The following CAST variants were observed in gnomAD, a reference collection of about 807,000 sequenced individuals.
CAST encodes the protein MIR583 host.
CAST carries 76 observed loss-of-function variants against 119.6 expected under a neutral mutation model. The observed-to-expected ratio is 0.64, with a 90% CI of 0.53 to 0.77. The LOEUF (loss-of-function observed/expected upper bound fraction) is 0.77, where lower values mean the gene tolerates loss of function less well. Ranked by LOEUF, CAST falls within the 30% of genes least tolerant of loss-of-function variation. The probability of loss-of-function intolerance (pLI) is 0.00; values close to 1 mark genes in which losing one functional copy is unlikely to be tolerated. For missense variants in CAST, 953 were observed against 946.5 expected, an observed-to-expected ratio of 1.01 and a Z score of -0.09; for synonymous variants, 319 against 331.6, an observed-to-expected ratio of 0.96 and a Z score of 0.41.
the CAST span, among the ~76,000 whole-genome samples, chr5:96,371,575 T>C: frequency 6.6e-6 from 1 of 152,218 alleles, no homozygotes; most frequent in Non-Finnish European, 1.5e-5. Flanking sequence ...TTCATTATCT[T>C]CTATTAGGAG....
At chr5:96,669,467 A>G (rs1023899346) in intron 1 of CAST, among the ~76,000 whole-genome samples, 2 of 152,198 alleles carry the variant, frequency 1.3e-5, no homozygotes, top group Non-Finnish European at 2.9e-5. Context: ...CCTACCACAC[A>G]TCTAGGAAAA....
chr5:96,359,514 G>A, the CAST span, among the ~76,000 whole-genome samples: 51 of 151,962 alleles, frequency 3.4e-4, no homozygotes, highest in Admixed American at 7.2e-4. Flanking sequence ...AGGAGCTCTT[G>A]TAAGGCAGGC....
At chr5:96,534,724 A>AAGGAAGGAAGGAAGGAAG (rs1561408779) in intron 1 of CAST, among the ~76,000 whole-genome samples, 15 of 19,486 alleles carry the variant, frequency 7.7e-4, no homozygotes, top group East Asian at 4.5e-3. Context: ...GGAGAGAGAG[A>AAGGAAGGAAGGAAGGAAG]GAGAGAGAGA....
chr5:96,619,356 C>G (rs1290532198), intron 1 of CAST, among the ~76,000 whole-genome samples: 4 of 152,076 alleles, frequency 2.6e-5, no homozygotes, highest in African/African-American at 9.7e-5. Context: ...CAATCAGCAC[C>G]CTGTCAAAAT....
the CAST span, among the ~76,000 whole-genome samples, chr5:96,374,768 C>T: frequency 6.6e-6 from 1 of 151,972 alleles, no homozygotes; most frequent in Admixed American, 6.6e-5. Context: ...AGAAAGAGAC[C>T]CCTGTTAGGA....
At chr5:96,152,008 A>G in the CAST span, among the ~76,000 whole-genome samples, 1 of 152,094 alleles carries the variant, frequency 6.6e-6, no homozygotes, top group Non-Finnish European at 1.5e-5. Flanking sequence ...AGTGCAGGGG[A>G]TTCTGGGTGA....
the CAST span, chr5:96,392,899 T>TA: frequency 8.6e-7 from 1 of 1,164,490 alleles, no homozygotes; most frequent in Non-Finnish European, 1.3e-6. Context: ...AAGGATATTA[T>TA]AAGCATAAGA....
At chr5:96,236,119 A>G in the CAST span, among the ~76,000 whole-genome samples, 3 of 100,284 alleles carry the variant, frequency 3.0e-5, no homozygotes, top group African/African-American at 8.1e-5. Flanking sequence ...CTGTCTATCT[A>G]TCTATCTCTC....
intron 2 of CAST, among the ~76,000 whole-genome samples, chr5:96,683,825 G>A (rs909254099): frequency 2.0e-5 from 3 of 152,204 alleles, no homozygotes; most frequent in African/African-American, 7.2e-5. Context: ...CTGGCATTAT[G>A]TAGACATTAA....
At chr5:96,677,386 G>A (rs1750841580) in intron 2 of CAST, among the ~76,000 whole-genome samples, 1 of 152,172 alleles carries the variant, frequency 6.6e-6, no homozygotes, top group Admixed American at 6.5e-5. Flanking sequence ...GGATGTACAG[G>A]CATTATTGGT....
At chr5:96,128,283 TG>T in the CAST span, among the ~76,000 whole-genome samples, 3 of 152,124 alleles carry the variant, frequency 2.0e-5, no homozygotes, top group African/African-American at 7.2e-5. Flanking sequence ...TAAACTTTTC[TG>T]GTCTGTCTCT....
At chr5:96,133,847 C>T in the CAST span, among the ~76,000 whole-genome samples, 7 of 152,212 alleles carry the variant, frequency 4.6e-5, no homozygotes, top group East Asian at 3.9e-4. Flanking sequence ...ACAAGGGCTA[C>T]GAAAGGTCAA....
intron 2 of CAST, among the ~76,000 whole-genome samples, chr5:96,688,334 C>T (rs886375077): frequency 3.3e-5 from 5 of 152,086 alleles, no homozygotes; most frequent in Non-Finnish European, 7.4e-5. Flanking sequence ...CAAGTGACTG[C>T]GTCATAAATA....
chr5:96,374,125 C>G, the CAST span, among the ~76,000 whole-genome samples: 2 of 152,156 alleles, frequency 1.3e-5, no homozygotes, highest in African/African-American at 4.8e-5. Flanking sequence ...GAATAATTGC[C>G]AGCTACTCAG....
the CAST span, among the ~76,000 whole-genome samples, chr5:96,162,305 A>AT: frequency 1.3e-5 from 2 of 152,270 alleles, no homozygotes; most frequent in Non-Finnish European, 2.9e-5. Flanking sequence ...CTTGTTGAAT[A>AT]TTTTTTGTCA....
intron 1 of CAST, among the ~76,000 whole-genome samples, chr5:96,629,291 C>T (rs993212802): frequency 6.6e-6 from 1 of 152,186 alleles, no homozygotes; most frequent in African/African-American, 2.4e-5. Context: ...TAGTGCCTTG[C>T]TCTTGGGCTT....
At chr5:96,135,388 TG>T in the CAST span, among the ~76,000 whole-genome samples, 1 of 152,248 alleles carries the variant, frequency 6.6e-6, no homozygotes, top group East Asian at 1.9e-4. Context: ...GAATTGCTGA[TG>T]GGTTGGTTAT....
the CAST span, among the ~76,000 whole-genome samples, chr5:96,026,398 G>A: frequency 4.6e-5 from 7 of 152,284 alleles, no homozygotes; most frequent in Admixed American, 4.6e-4. Context: ...GAGACTCTGG[G>A]CCCTCTTCTT....
the CAST span, among the ~76,000 whole-genome samples, chr5:96,231,484 G>T: frequency 6.6e-6 from 1 of 151,960 alleles, no homozygotes; most frequent in African/African-American, 2.4e-5. Flanking sequence ...CAGGAGAAGG[G>T]GAGAAAAGAA....
Sources: allele counts gnomAD v4.1 joint callset (sites outside exome capture counted in the v4.1 genomes callset), GRCh38; gene constraint gnomAD v4.1.1; transcripts MANE v1.5; gene names NCBI Gene and HGNC (gene_info 2026-07-23, HGNC 2026-07-21).